The following GATAD2B variants were observed in gnomAD, a reference collection of about 807,000 sequenced individuals.
GATAD2B encodes the protein GATA zinc finger domain containing 2B.
In GATAD2B, 8 loss-of-function variants were observed where a neutral mutation model predicts 64.3. The ratio of observed to expected loss-of-function variants is 0.12; its 90% CI spans 0.07 to 0.22. The LOEUF is 0.22. GATAD2B is among the 10% of genes least tolerant of loss of function. GATAD2B has a pLI of 1.00. For synonymous variants in GATAD2B, 281 were observed against 271.3 expected (o/e 1.04, Z -0.35); for missense variants, 453 against 752.0 (o/e 0.60, Z 4.65).
intron 1 of GATAD2B, among the ~76,000 whole-genome samples, chr1:153,877,346 T>C (rs578161172): frequency 1.3e-5 from 2 of 148,226 alleles, no homozygotes; most frequent in African/African-American, 5.0e-5. Context: ...CTGTCTCTAA[T>C]AAATAAATAG....
At position 153,811,862 on chromosome 1, in the gene GATAD2B, G is replaced by A. The variant is rs368995332; in HGVS notation, c.1531-14C>T. On this transcript the variant is annotated splice_polypyrimidine_tract_variant and intron_variant, in intron 9 of 10. Transcript: ENST00000368655. Reference sequence around the variant, plus strand: ...GGGCTGTGGAGCCTGCAATGATGAGGAGACAGTGGATACAACTTTGATATG... The same window carrying A: ...GGGCTGTGGAGCCTGCAATGATGAGAAGACAGTGGATACAACTTTGATATG... 1 of 1,529,594 alleles carries A rather than the reference G, an allele frequency of 6.5e-7. No homozygotes were observed. The highest frequency in any genetic ancestry group is 9.0e-7 in the Non-Finnish European group (1 of 1,107,976). 94.8% of individuals were successfully genotyped at this position (1,529,594 alleles called of 1,614,324 possible). A position where few individuals can be genotyped will look rare whatever the true frequency, so the allele number is the denominator to read the frequency against.
chr1:153,845,672 G>A (rs1193370973), intron 1 of GATAD2B, among the ~76,000 whole-genome samples: 4 of 149,900 alleles, frequency 2.7e-5, no homozygotes, highest in Non-Finnish European at 5.9e-5. Context: ...GAGGTGGGAG[G>A]ACTGCTTGAG....
intron 1 of GATAD2B, among the ~76,000 whole-genome samples, chr1:153,908,501 G>A (rs1048331098): frequency 3.3e-5 from 5 of 150,102 alleles, no homozygotes; most frequent in Non-Finnish European, 7.4e-5. Flanking sequence ...TTTTTGAGAC[G>A]GAGTTTCGCT....
At chr1:153,883,668 C>T (rs564109657) in intron 1 of GATAD2B, among the ~76,000 whole-genome samples, 18 of 151,394 alleles carry the variant, frequency 1.2e-4, no homozygotes, top group African/African-American at 3.4e-4. Flanking sequence ...ATAATTCCCA[C>T]GTGAGTCTGC....
chr1:153,885,654 A>C (rs1017307936), intron 1 of GATAD2B, among the ~76,000 whole-genome samples: 1 of 151,986 alleles, frequency 6.6e-6, no homozygotes, highest in African/African-American at 2.4e-5. Context: ...GATCACGAGG[A>C]GATTGAGACC....
chr1:153,883,675 C>G (rs1027647764), intron 1 of GATAD2B, among the ~76,000 whole-genome samples: 54 of 151,628 alleles, frequency 3.6e-4, no homozygotes, highest in Admixed American at 3.6e-3. Context: ...CCACGTGAGT[C>G]TGCTGAATAC....
chr1:153,888,783 G>GT (rs1557823713), intron 1 of GATAD2B, among the ~76,000 whole-genome samples: 1 of 152,040 alleles, frequency 6.6e-6, no homozygotes, highest in African/African-American at 2.4e-5. Flanking sequence ...CCTCTCTAGC[G>GT]TTCCAAGAGT....
At chr1:153,851,987 C>T in intron 1 of GATAD2B, 1 of 336,452 alleles carries the variant, frequency 3.0e-6, no homozygotes, top group South Asian at 9.1e-5. Context: ...AATTGAGGGC[C>T]TTTTTACTAG....
chr1:153,892,326 A>G (rs1350765584), intron 1 of GATAD2B, among the ~76,000 whole-genome samples: 1 of 152,206 alleles, frequency 6.6e-6, no homozygotes, highest in Non-Finnish European at 1.5e-5. Context: ...AAGACACACT[A>G]AAGGCTAAAG....
At chr1:153,814,755 C>T (rs900866127) in intron 7 of GATAD2B, among the ~76,000 whole-genome samples, 1 of 152,040 alleles carries the variant, frequency 6.6e-6, no homozygotes, top group African/African-American at 2.4e-5. Context: ...GCAGGTGGAT[C>T]ACCTGAGGTC....
At chr1:153,872,553 CA>C (rs556951338) in intron 1 of GATAD2B, among the ~76,000 whole-genome samples, 159 of 143,172 alleles carry the variant, frequency 1.1e-3, no homozygotes, top group African/African-American at 2.9e-3. Context: ...TACATAATAT[CA>C]AAAAAAAAAA....
chr1:153,891,685 A>G (rs1677410428), intron 1 of GATAD2B, among the ~76,000 whole-genome samples: 1 of 146,770 alleles, frequency 6.8e-6, no homozygotes, highest in African/African-American at 2.5e-5. Flanking sequence ...GGGGAGGGAA[A>G]AGAAGTAGAT....
At position 153,806,844 on chromosome 1, in the gene GATAD2B, C is replaced by T. The variant is rs1290502820; in HGVS notation, c.*3333G>A. On this transcript the variant is annotated 3_prime_UTR_variant, in exon 11 of 11. Transcript: ENST00000368655. ...AAAGGGAATGATTAGGGAAAAGGAA[C>T]AAAAGTAAAATATCAAGAAGCATCT... The T allele has an allele frequency of 6.6e-6, 1 of 151,838 alleles. No homozygotes were observed. The highest frequency in any genetic ancestry group is 1.5e-5 in the Non-Finnish European group (1 of 67,894). The allele number at this position is 151,838 out of a possible 1,614,324, so 9.4% of individuals were successfully genotyped here. A position where few individuals can be genotyped will look rare whatever the true frequency, so the allele number is the denominator to read the frequency against.
At chr1:153,831,585 T>C (rs1675078109) in intron 1 of GATAD2B, among the ~76,000 whole-genome samples, 1 of 152,226 alleles carries the variant, frequency 6.6e-6, no homozygotes, top group African/African-American at 2.4e-5. Context: ...AATTCAATGA[T>C]GTTTAGTATA....
chr1:153,871,759 C>T (rs1317453639), intron 1 of GATAD2B, among the ~76,000 whole-genome samples: 1 of 152,074 alleles, frequency 6.6e-6, no homozygotes, highest in Non-Finnish European at 1.5e-5. Context: ...GCATGAGACA[C>T]CGTGCCCAGC....
At chr1:153,858,025 T>C (rs1415180238) in intron 1 of GATAD2B, among the ~76,000 whole-genome samples, 2 of 152,136 alleles carry the variant, frequency 1.3e-5, no homozygotes, top group South Asian at 2.1e-4. Context: ...GGAGATGCAA[T>C]TGCTCTCAAA....
intron 1 of GATAD2B, among the ~76,000 whole-genome samples, chr1:153,910,529 C>T (rs528127709): frequency 6.6e-6 from 1 of 152,228 alleles, no homozygotes; most frequent in East Asian, 1.9e-4. Context: ...CACCTGAGGT[C>T]AGGAGTTCAA....
chr1:153,833,773 G>A (rs2101895981), intron 1 of GATAD2B, among the ~76,000 whole-genome samples: 1 of 138,104 alleles, frequency 7.2e-6, no homozygotes, highest in South Asian at 2.2e-4. Flanking sequence ...TCATGCCACT[G>A]CGCTCCAGCC....
At chr1:153,819,561 TAGAA>T (rs751274982) in intron 3 of GATAD2B, 41 bp downstream of exon 3, 1 of 1,342,718 alleles carries the variant, frequency 7.4e-7, no homozygotes, top group African/African-American at 1.5e-5. Flanking sequence ...TTAAATAAAA[TAGAA>T]GGAGCATAAC....
Sources: gnomAD v4.1 joint callset for allele counts (sites outside exome capture counted in the v4.1 genomes callset) on GRCh38, gnomAD v4.1.1 for gene constraint, MANE v1.5 for transcripts, NCBI Gene and HGNC (gene_info 2026-07-23, HGNC 2026-07-21) for gene names.